The following ZNF385A variants were observed in gnomAD, a reference collection of about 807,000 sequenced individuals.
ZNF385A encodes the protein hematopoietic zinc finger protein.
Under a neutral mutation model 32.1 loss-of-function variants are expected in ZNF385A, and 14 were observed. The ratio of observed to expected loss-of-function variants is 0.44; its 90% CI spans 0.29 to 0.68. The LOEUF (loss-of-function observed/expected upper bound fraction) is 0.68. Among genes scored for constraint, ZNF385A ranks in the 30% least tolerant of loss-of-function variants. ZNF385A has a pLI of 0.14. For missense variants in ZNF385A, 406 were observed against 478.4 expected, an observed-to-expected ratio of 0.85 and a Z score of 1.41; for synonymous variants, 197 against 202.7, an observed-to-expected ratio of 0.97 and a Z score of 0.24.
chr12:54,379,272 C>G, intron 1 of ZNF385A: 1 of 875,258 alleles, frequency 1.1e-6, no homozygotes, highest in African/African-American at 1.8e-5. Context: ...AGGACGGGGG[C>G]GGGGACAGGG....
intron 1 of ZNF385A, among the ~76,000 whole-genome samples, chr12:54,390,143 G>T (rs1347859671): frequency 1.3e-5 from 2 of 152,130 alleles, no homozygotes; most frequent in African/African-American, 4.8e-5. Flanking sequence ...GTCCTCGGTT[G>T]GGGGCAGGGA....
chr12:54,390,540 GGAGA>G (rs142884226), intron 1 of ZNF385A, among the ~76,000 whole-genome samples: 10,889 of 152,120 alleles, frequency 0.072, 449 homozygotes, highest in Middle Eastern at 0.17. Context: ...GCTACAGCAG[GGAGA>G]GAGAGGGGCA....
chr12:54,387,147 T>C (rs1955511057), upstream of ZNF385A, among the ~76,000 whole-genome samples: 1 of 152,206 alleles, frequency 6.6e-6, no homozygotes, highest in Non-Finnish European at 1.5e-5. Flanking sequence ...GAGAGCAGGT[T>C]CCATGCACTT....
At chr12:54,385,924 C>G (rs1458841285), upstream of ZNF385A, 2 of 152,054 alleles carry the variant, frequency 1.3e-5, no homozygotes, top group Admixed American at 1.3e-4. Context: ...TCAGGCACAG[C>G]TGGGGGCTGG....
rs1267678583 is a variant in ZNF385A at position 54,370,886 on chromosome 12, G to C, written c.774+41C>G. On this transcript the variant is annotated intron_variant, in intron 5 of 6. Coordinates refer to ENST00000394313, the MANE Select transcript of ZNF385A (RefSeq NM_015481.3). This position sits in a 1 kb window ranked among gnomAD's most constrained non-coding sequence, Gnocchi z 5.5. ...CTTGCTCCCCTTCCCCACTTAGCGG[G>C]TGGAGCGTCCCAGAATTCCTGGGAA... The C allele has an allele frequency of 6.2e-7, 1 of 1,613,760 alleles. No individual in the cohort carries two copies. The highest frequency in any genetic ancestry group is 2.2e-5 in the East Asian group (1 of 44,878).
intron 2 of ZNF385A, among the ~76,000 whole-genome samples, chr12:54,374,977 C>G (rs1376995749): frequency 1.3e-5 from 2 of 152,038 alleles, no homozygotes; most frequent in Non-Finnish European, 2.9e-5. Context: ...GTCACCCAGA[C>G]AAGGGCAGAA....
intron 3 of ZNF385A, chr12:54,372,954 G>A (rs1341933998): frequency 2.1e-5 from 4 of 187,920 alleles, no homozygotes; most frequent in Admixed American, 1.8e-4. Flanking sequence ...CAGGAGAATC[G>A]CTTGAACCTG....
chr12:54,389,313 C>T (rs1212867563), upstream of ZNF385A, among the ~76,000 whole-genome samples: 2 of 152,202 alleles, frequency 1.3e-5, no homozygotes, highest in East Asian at 3.8e-4. Flanking sequence ...GTGTTCAGAA[C>T]TGAAACCTTT....
intron 1 of ZNF385A, among the ~76,000 whole-genome samples, chr12:54,382,754 C>T (rs960434392): frequency 6.6e-6 from 1 of 152,122 alleles, no homozygotes; most frequent in African/African-American, 2.4e-5. Context: ...CTCTAGCCCA[C>T]CTTCCAGGCT....
intron 3 of ZNF385A, among the ~76,000 whole-genome samples, chr12:54,372,433 T>G (rs1954603203): frequency 6.6e-6 from 1 of 152,206 alleles, no homozygotes; most frequent in African/African-American, 2.4e-5. Context: ...CCCATTTGCT[T>G]GTTCATCCTA....
chr12:54,391,127 C>A, intron 1 of ZNF385A: 1 of 1,209,802 alleles, frequency 8.3e-7, no homozygotes. Flanking sequence ...CGGTCGCTGA[C>A]GGGCGGCCGC....
chr12:54,370,182 G>A lies in ZNF385A; in HGVS notation c.*74C>T. On this transcript the variant is annotated 3_prime_UTR_variant, in exon 7 of 7. Coordinates refer to ENST00000394313, the MANE Select transcript of ZNF385A (RefSeq NM_015481.3). This position sits in a 1 kb window ranked among gnomAD's most constrained non-coding sequence, Gnocchi z 5.5. ...TCATTTAGGGAGTGCCGGGAGGAGG[G>A]GCGGGCTGGGAGCCCGGACGCCTGG... is the stretch of plus-strand genomic sequence containing the variant. 4.2e-6 allele frequency: 5 copies of A among 1,180,854 alleles called. No homozygotes were observed. Among genetic ancestry groups the A allele is most frequent in the Non-Finnish European group, 5.7e-6 (5 of 873,606 alleles). The allele number at this position is 1,180,854 out of a possible 1,614,324, so 73.1% of individuals were successfully genotyped here. A position where few individuals can be genotyped will look rare whatever the true frequency, so the allele number is the denominator to read the frequency against.
At chr12:54,377,623 T>C (rs936483429) in intron 1 of ZNF385A, among the ~76,000 whole-genome samples, 1 of 152,188 alleles carries the variant, frequency 6.6e-6, no homozygotes, top group African/African-American at 2.4e-5. Flanking sequence ...ATGATGTGTT[T>C]GGCAGAAAGA....
upstream of ZNF385A, among the ~76,000 whole-genome samples, chr12:54,387,742 A>G (rs1327833605): frequency 2.0e-5 from 3 of 152,190 alleles, no homozygotes; most frequent in Admixed American, 2.0e-4. Flanking sequence ...CTCAATAAAT[A>G]TTTGCTGAAT....
At position 54,370,774 on chromosome 12, in the gene ZNF385A, G is replaced by A. The variant is rs1191697313; in HGVS notation, c.775-53C>T. 3 of 1,580,784 alleles carry A rather than the reference G, an allele frequency of 1.9e-6. No homozygotes were observed. The highest frequency in any genetic ancestry group is 1.7e-6 in the Non-Finnish European group (2 of 1,165,590). ...TGAGCTCCCGGAAAGGGGCAACAGCGAGGGAGTATAATCAAGCTCCAAGCA... is the reference window on the plus strand; with the variant it reads ...TGAGCTCCCGGAAAGGGGCAACAGCAAGGGAGTATAATCAAGCTCCAAGCA... On this transcript the variant is annotated intron_variant, in intron 5 of 6. Transcript: ENST00000394313. The surrounding 1 kb of genome is among the most constrained non-coding windows in gnomAD (Gnocchi z 5.5).
chr12:54,371,589 G>C lies in ZNF385A; in HGVS notation c.488C>G (p.Pro163Arg). The C allele has an allele frequency of 6.2e-7, 1 of 1,613,674 alleles. No individual in the cohort carries two copies. The change falls in exon 4 of 7, where the codon CCG (proline) becomes CGG (arginine). Residue 163 changes from proline (P) to arginine (R), a missense_variant. Pro to Arg is a moderately radical substitution (Grantham distance 103, BLOSUM62 -2). Transcript: ENST00000394313. The part of the protein sequence containing the change: ...VTKGEGGTPA[P>R]ASLPGGSKEE... The stretch of plus-strand genomic sequence containing the variant: ...CTTGCTACCCCCAGGCAAGGAAGCC[G>C]GGGCTGGAGTCCCCCCTTCACCCTT...
chr12:54,374,017 G>T lies in ZNF385A; in HGVS notation c.317C>A (p.Pro106Gln). 1 of 1,592,276 alleles carries T rather than the reference G, an allele frequency of 6.3e-7. No homozygotes were observed. ...GVREPGDPAP[P>Q]GSTPTNGDGV... ...ATCCCCATTTGTTGGGGTGCTGCCT[G>T]GGGGAGCTGGGTCTCCAGGTTCTCG... Residue 106 changes from proline (P) to glutamine (Q), a missense_variant, in exon 3 of 7, where the codon CCA (proline) becomes CAA (glutamine). Coordinates refer to ENST00000394313, the MANE Select transcript of ZNF385A (RefSeq NM_015481.3).
At position 54,374,129 on chromosome 12, in the gene ZNF385A, C is replaced by A; in HGVS notation, c.205G>T (p.Ala69Ser). The A allele has an allele frequency of 6.6e-7, 1 of 1,517,188 alleles. No individual in the cohort carries two copies. The highest frequency in any genetic ancestry group is 1.3e-5 in the South Asian group (1 of 79,090). 94.0% of individuals were successfully genotyped at this position (1,517,188 alleles called of 1,614,324 possible). A position where few individuals can be genotyped will look rare whatever the true frequency, so the allele number is the denominator to read the frequency against. Residue 69 changes from alanine (A) to serine (S), a missense_variant, in exon 3 of 7, where the codon GCT becomes TCT. Ala to Ser is a moderately conservative substitution (Grantham distance 99). Coordinates refer to ENST00000394313, the MANE Select transcript of ZNF385A (RefSeq NM_015481.3). ...CQIRFNSQSQAEAHYKGNRHA... is the reference protein window; with the variant it reads ...CQIRFNSQSQSEAHYKGNRHA... Reference sequence around the variant, plus strand: ...CGATTACCTTTGTAGTGCGCCTCAGCCTGGCTCTTTAGGGATGGAGGAAGA... The same window carrying A: ...CGATTACCTTTGTAGTGCGCCTCAGACTGGCTCTTTAGGGATGGAGGAAGA...
intron 2 of ZNF385A, 77 bp downstream of exon 2, chr12:54,375,767 C>A: frequency 3.9e-6 from 5 of 1,267,938 alleles, no homozygotes; most frequent in Non-Finnish European, 5.8e-6. Context: ...GTGTTCTCAC[C>A]CAGCCTCTGC....
Sources: gnomAD v4.1 joint callset for allele counts (sites outside exome capture counted in the v4.1 genomes callset) on GRCh38, gnomAD v4.1.1 for gene constraint, Gnocchi (gnomAD v3.1) non-coding constraint, MANE v1.5 for transcripts, NCBI Gene and HGNC (gene_info 2026-07-23, HGNC 2026-07-21) for gene names.